DDX55: variants seen among roughly 807,000 people sequenced by gnomAD.
DDX55 encodes DEAD-box helicase 55.
DDX55 carries 56 observed loss-of-function variants against 69.2 expected under a neutral mutation model. That is an observed-to-expected ratio of 0.81 (90% confidence interval 0.65 to 1.01). DDX55 has a LOEUF of 1.01. Ranked by LOEUF, DDX55 falls within the 50% of genes least tolerant of loss-of-function variation. The probability of loss-of-function intolerance (pLI) is 0.00; values close to 1 mark genes in which losing one functional copy is unlikely to be tolerated. For synonymous variants in DDX55, 268 were observed against 273.1 expected, an observed-to-expected ratio of 0.98 and a Z score of 0.18; for missense variants, 720 against 745.1, an observed-to-expected ratio of 0.97 and a Z score of 0.39.
At chr12:123,608,635 C>A (rs780963510) in intron 5 of DDX55, 45 bp from the exon 6 acceptor site, 20 of 1,600,006 alleles carry the variant, frequency 1.3e-5, no homozygotes, top group Non-Finnish European at 1.7e-5. Context: ...CAACCACATT[C>A]CCAAGATCCA....
At chr12:123,602,286 G>C (rs1277492251) in intron 1 of DDX55, 30 bp downstream of exon 1, 1 of 1,521,216 alleles carries the variant, frequency 6.6e-7, no homozygotes, top group Non-Finnish European at 8.8e-7. Flanking sequence ...GGGGAGTGAG[G>C]CTGGGAGAGG....
chr12:123,610,238 T>A (rs913495946), intron 7 of DDX55, 110 bp downstream of exon 7: 6 of 1,381,564 alleles, frequency 4.3e-6, no homozygotes, highest in Non-Finnish European at 5.8e-6. Context: ...ATGAAATGCA[T>A]TTGGGGACAG....
At chr12:123,616,032 T>C (rs1353338065) in intron 9 of DDX55, among the ~76,000 whole-genome samples, 22 of 152,180 alleles carry the variant, frequency 1.4e-4, no homozygotes, top group Admixed American at 1.3e-3. Flanking sequence ...CTGTGGCTTA[T>C]TAGGCTTGTG....
Position 123,617,813 on chromosome 12 carries a change from C to G in DDX55, c.1105C>G (p.Leu369Val). ...TARIGHGGSA[L>V]VFLLPMEESY... ...TCGCATTGGCCACGGGGGCAGCGCT[C>G]TGGTGTTCCTCCTGCCCATGGAAGA... The change falls in exon 11 of 14, where the codon CTG (leucine) becomes GTG (valine). Residue 369 changes from leucine (L) to valine (V), a missense_variant. Physicochemically the swap from Leu to Val is conservative, Grantham distance 32. Coordinates refer to ENST00000238146, the MANE Select transcript of DDX55 (RefSeq NM_020936.3). The G allele has an allele frequency of 6.2e-7, 1 of 1,614,110 alleles. No homozygotes were observed. Among genetic ancestry groups the G allele is most frequent in the Non-Finnish European group, 8.5e-7 (1 of 1,180,018 alleles).
chr12:123,614,395 G>A (rs896941461), intron 8 of DDX55, among the ~76,000 whole-genome samples: 1 of 152,192 alleles, frequency 6.6e-6, no homozygotes, highest in African/African-American at 2.4e-5. Context: ...CTGGTCTAGT[G>A]GGAGGAGCAT....
chr12:123,619,800 T>C (rs1955009539), intron 13 of DDX55, 76 bp downstream of exon 13: 2 of 1,519,990 alleles, frequency 1.3e-6, no homozygotes, highest in South Asian at 2.7e-5. Flanking sequence ...ATAGGAATTG[T>C]GTGGGGCTGT....
At chr12:123,607,963 C>T (rs972379911) in intron 5 of DDX55, 8 of 437,090 alleles carry the variant, frequency 1.8e-5, no homozygotes, top group African/African-American at 3.9e-5. Context: ...ATACTCAGCT[C>T]CAGCTGGTAG....
intron 7 of DDX55, among the ~76,000 whole-genome samples, chr12:123,612,332 T>C (rs534051554): frequency 1.3e-5 from 2 of 152,194 alleles, no homozygotes; most frequent in Non-Finnish European, 2.9e-5. Context: ...TTTGCATTCG[T>C]TTTGCATTTA....
intron 8 of DDX55, 149 bp downstream of exon 8, chr12:123,613,401 C>T (rs1954414830): frequency 7.8e-6 from 6 of 768,030 alleles, no homozygotes; most frequent in Admixed American, 3.0e-5. Flanking sequence ...TTTTGTTGTC[C>T]GAACAAGGTT....
At position 123,611,457 on chromosome 12, in the gene DDX55, C is replaced by A. The variant is rs551707763; in HGVS notation, c.741+1329C>A. On this transcript the variant is annotated intron_variant, in intron 7 of 13. Coordinates refer to ENST00000238146, the MANE Select transcript of DDX55 (RefSeq NM_020936.3). ...CTGACGGTACACTGGCCCACCAGCCCGGGGCTGGGGCTTTTCTTTCTCTTT... is the reference window on the plus strand; with the variant it reads ...CTGACGGTACACTGGCCCACCAGCCAGGGGCTGGGGCTTTTCTTTCTCTTT... Among the ~76,000 whole-genome samples the A allele has an allele frequency of 4.5e-4, 68 of 152,300 alleles. No homozygotes were observed. In the East Asian group the frequency reaches 0.011, roughly 24 times the overall value.
At chr12:123,606,271 G>A (rs952819256) in intron 3 of DDX55, 112 bp downstream of exon 3, 7 of 1,286,176 alleles carry the variant, frequency 5.4e-6, no homozygotes, top group Non-Finnish European at 3.2e-6. Context: ...GCTCACGCCT[G>A]TAATCCCAGC....
rs1276419619 is a variant in DDX55 at position 123,619,481 on chromosome 12, C to T, written c.1383C>T (p.Pro461=). 2.5e-6 allele frequency: 4 copies of T among 1,613,708 alleles called. No individual in the cohort carries two copies. In the Admixed American group the frequency reaches 5.0e-5, roughly 20 times the overall value. Residue 461 remains proline, a synonymous_variant, in exon 13 of 14, where the codon CCC becomes CCT. Transcript: ENST00000238146. ...GAGGTTTTGCCCTGCTGAGGATGCC[C>T]AAGATGCCAGAATTGAGAGGAAAGC... is the stretch of plus-strand genomic sequence containing the variant. ...LARGFALLRM[P]KMPELRGKQF... is the part of the protein sequence containing the mutation.
rs1954814660 is a variant in DDX55, at chr12:123,618,011, T to TG, written c.1164+143dup. The TG allele has an allele frequency of 8.4e-6, 5 of 597,906 alleles. No individual in the cohort carries two copies. The South Asian group carries it at 8.5e-5, about 10-fold the overall frequency. The allele number at this position is 597,906 out of a possible 1,614,324, so 37.0% of individuals were successfully genotyped here. On this transcript the variant is annotated intron_variant, in intron 11 of 13. Coordinates refer to ENST00000238146, the MANE Select transcript of DDX55 (RefSeq NM_020936.3). ...TGGTGGTGGCAGTGGGGGGCCCTGG[T>TG]GGGGTTTTTTTTTTTTTTTTTTGAG... is the stretch of plus-strand genomic sequence containing the variant.
Position 123,620,148 on chromosome 12 carries a change from GCCACAGATGAAC to G in DDX55, c.*14_*25del, listed in dbSNP as rs1479754572. 6.2e-7 allele frequency: 1 copy of G among 1,612,000 alleles called. No individual in the cohort carries two copies. On this transcript the variant is annotated 3_prime_UTR_variant, in exon 14 of 14. Coordinates refer to ENST00000238146, the MANE Select transcript of DDX55 (RefSeq NM_020936.3). The stretch of plus-strand genomic sequence containing the variant: ...TTGGAAGATGACTGCTGATTCCAGT[GCCACAGATGAAC>G]CCACAAGGACATAGCTGTTCCCTAA...
intron 12 of DDX55, among the ~76,000 whole-genome samples, chr12:123,619,161 C>T (rs1235411021): frequency 6.6e-6 from 1 of 152,204 alleles, no homozygotes; most frequent in Non-Finnish European, 1.5e-5. Flanking sequence ...CGCCACCACG[C>T]CCAGCTAATT....
chr12:123,609,888 G>A (rs1954106947), intron 6 of DDX55, 51 bp from the exon 7 acceptor site: 2 of 1,575,722 alleles, frequency 1.3e-6, no homozygotes, highest in Admixed American at 1.8e-5. Context: ...AGCACTGTGT[G>A]TTGATTCTGC....
chr12:123,611,123 A>G (rs1323772678), intron 7 of DDX55, among the ~76,000 whole-genome samples: 2 of 122,446 alleles, frequency 1.6e-5, no homozygotes, highest in African/African-American at 6.3e-5. Context: ...CTGGTCTTGA[A>G]CTCCTGACCT....
chr12:123,606,058 ACT>A lies in DDX55; in HGVS notation c.160-10_160-9del, dbSNP rs4047521. On this transcript the variant is annotated splice_polypyrimidine_tract_variant and intron_variant, in intron 2 of 13. Transcript: ENST00000238146. ...CTCTGAGGAAGAAAGGGAAACCAAA[ACT>A]CTCTGTTTGCAGGTCACAGGTAGTG... The A allele has an allele frequency of 0.87, 1,400,728 of 1,613,834 alleles. 609,445 individuals are homozygous for A. The highest frequency in any genetic ancestry group is 0.98 in the East Asian group (43,974 of 44,878).
Position 123,619,970 on chromosome 12 carries a change from G to T in DDX55, c.1633G>T (p.Asp545Tyr). 6.2e-7 allele frequency: 1 copy of T among 1,612,702 alleles called. No individual in the cohort carries two copies. Among genetic ancestry groups the T allele is most frequent in the Non-Finnish European group, 8.5e-7 (1 of 1,179,496 alleles). The change falls in exon 14 of 14, where the codon GAT becomes TAT. Residue 545 changes from aspartate (D) to tyrosine (Y), a missense_variant. Coordinates refer to ENST00000238146, the MANE Select transcript of DDX55 (RefSeq NM_020936.3). ...NEKRKREEGS[D>Y]IEDEDMEELL... ...TGGTTTCTTCTGCACTTAGGGTTCTGATATTGAAGATGAGGACATGGAAGA... is the reference window on the plus strand; with the variant it reads ...TGGTTTCTTCTGCACTTAGGGTTCTTATATTGAAGATGAGGACATGGAAGA...
Sources: gnomAD v4.1 joint callset for allele counts (sites outside exome capture counted in the v4.1 genomes callset) on GRCh38, gnomAD v4.1.1 for gene constraint, MANE v1.5 for transcripts, NCBI Gene and HGNC (gene_info 2026-07-23, HGNC 2026-07-21) for gene names.